Variants in RPS11 observed in about 807,000 individuals in gnomAD.
RPS11 encodes ribosomal protein S11.
For synonymous variants in RPS11, 107 were observed against 78.0 expected, an observed-to-expected ratio of 1.37 and a Z score of -1.96; for missense variants, 127 against 211.4, an observed-to-expected ratio of 0.60 and a Z score of 2.48.
At chr19:49,497,067 T>C in intron 1 of RPS11, 127 bp from the exon 2 acceptor site, 1 of 1,128,500 alleles carries the variant, frequency 8.9e-7, no homozygotes, top group Non-Finnish European at 1.3e-6. Context: ...CACCAGGCCT[T>C]GGACGCCGGC....
At chr19:49,496,949 C>A (rs1382508214) in intron 1 of RPS11, among the ~76,000 whole-genome samples, 3 of 151,908 alleles carry the variant, frequency 2.0e-5, no homozygotes, top group Non-Finnish European at 4.4e-5. Context: ...TTTTGCAATC[C>A]CTGAGAGGCC....
intron 4 of RPS11, among the ~76,000 whole-genome samples, chr19:49,499,001 A>G (rs1486211685): frequency 2.0e-5 from 3 of 152,176 alleles, no homozygotes; most frequent in Non-Finnish European, 4.4e-5. Flanking sequence ...GCTCCCTCAG[A>G]GGGCACCTTC....
chr19:49,496,824 C>T (rs992714077), intron 1 of RPS11, among the ~76,000 whole-genome samples: 4 of 152,046 alleles, frequency 2.6e-5, no homozygotes, highest in African/African-American at 7.2e-5. Flanking sequence ...AATTCTGAAT[C>T]CTTATGTACT....
At chr19:49,498,681 T>C (rs2079919662) in intron 4 of RPS11, among the ~76,000 whole-genome samples, 1 of 152,128 alleles carries the variant, frequency 6.6e-6, no homozygotes, top group Non-Finnish European at 1.5e-5. Context: ...GCCCAGAAAG[T>C]GGAGGCTGCA....
intron 3 of RPS11, 26 bp from the exon 4 acceptor site, chr19:49,497,891 G>T: frequency 6.2e-7 from 1 of 1,613,980 alleles, no homozygotes; most frequent in South Asian, 1.1e-5. Context: ...CATGGGACCT[G>T]ACCTATGATC....
intron 3 of RPS11, 119 bp from the exon 4 acceptor site, chr19:49,497,798 T>C (rs541548328): frequency 1.4e-6 from 2 of 1,439,758 alleles, no homozygotes; most frequent in Admixed American, 3.3e-5. Flanking sequence ...GTAAAACTGA[T>C]GCCGGAAATG....
At position 49,496,488 on chromosome 19, in the gene RPS11, G is replaced by T. The variant is rs747496197; in HGVS notation, c.15+17G>T. On this transcript the variant is annotated intron_variant, in intron 1 of 4. Transcript: ENST00000270625. Reference sequence around the variant, plus strand: ...GACATTCAGGTGCGGACTCGGGGTTGGATGCCAGGGTGCGGGGTCCGCCTT... The same window carrying T: ...GACATTCAGGTGCGGACTCGGGGTTTGATGCCAGGGTGCGGGGTCCGCCTT... 17 of 1,608,364 alleles carry T rather than the reference G, an allele frequency of 1.1e-5. No individual in the cohort carries two copies. Among genetic ancestry groups the T allele is most frequent in the Non-Finnish European group, 1.4e-5 (17 of 1,177,536 alleles).
At chr19:49,498,914 T>A (rs2079920976) in intron 4 of RPS11, among the ~76,000 whole-genome samples, 1 of 152,070 alleles carries the variant, frequency 6.6e-6, no homozygotes, top group Non-Finnish European at 1.5e-5. Flanking sequence ...CCTCAGCATG[T>A]TTTAGTTAGA....
Position 49,497,904 on chromosome 19 carries a change from C to T in RPS11, c.224-13C>T, listed in dbSNP as rs1203709561. On this transcript the variant is annotated splice_polypyrimidine_tract_variant and intron_variant, in intron 3 of 4. Transcript: ENST00000270625. ...CCCATGGGACCTGACCTATGATCGG[C>T]CCCCGCTCCTAGGCGTGGTGACCAA... The T allele has an allele frequency of 1.2e-6, 2 of 1,614,006 alleles. No individual in the cohort carries two copies. The highest frequency in any genetic ancestry group is 2.7e-5 in the African/African-American group (2 of 75,048).
chr19:49,498,474 A>G (rs962713489), intron 4 of RPS11, among the ~76,000 whole-genome samples: 22 of 152,228 alleles, frequency 1.4e-4, no homozygotes, highest in African/African-American at 5.3e-4. Context: ...GATTCTAGCC[A>G]GGCACCGTGG....
At chr19:49,498,119 A>G (rs772525896) in intron 4 of RPS11, 73 bp downstream of exon 4, 82 of 1,544,144 alleles carry the variant, frequency 5.3e-5, no homozygotes, top group Non-Finnish European at 7.1e-5. Flanking sequence ...GGACCAATTT[A>G]AGGCCAACTG....
chr19:49,497,028 TG>T, intron 1 of RPS11, 165 bp from the exon 2 acceptor site: 1 of 668,788 alleles, frequency 1.5e-6, no homozygotes, highest in Non-Finnish European at 2.6e-6. Context: ...AAGGTCAGGG[TG>T]GTCATGTCTT....
At chr19:49,497,715 A>G (rs2079913845) in intron 3 of RPS11, 120 bp downstream of exon 3, 5 of 1,140,488 alleles carry the variant, frequency 4.4e-6, no homozygotes, top group Non-Finnish European at 6.7e-6. Context: ...AGGTCCAGGT[A>G]CATTGGCAGA....
chr19:49,498,875 A>G (rs2079920790), intron 4 of RPS11, among the ~76,000 whole-genome samples: 1 of 152,196 alleles, frequency 6.6e-6, no homozygotes, highest in Non-Finnish European at 1.5e-5. Flanking sequence ...GGAACCTCAG[A>G]AATGTTGGAA....
chr19:49,498,992 C>G (rs2122640558), intron 4 of RPS11, among the ~76,000 whole-genome samples: 1 of 152,300 alleles, frequency 6.6e-6, no homozygotes, highest in Admixed American at 6.5e-5. Context: ...CAAAGTCCTG[C>G]TCCCTCAGAG....
intron 1 of RPS11, 37 bp downstream of exon 1, chr19:49,496,508 C>A (rs559095038): frequency 5.0e-6 from 8 of 1,594,640 alleles, no homozygotes; most frequent in Middle Eastern, 1.7e-4. Context: ...GTGCGGGGTC[C>A]GCCTTGGCCT....
chr19:49,497,572 C>T lies in RPS11; in HGVS notation c.200C>T (p.Ser67Phe). 6.2e-7 allele frequency: 1 copy of T among 1,613,922 alleles called. No individual in the cohort carries two copies. Among genetic ancestry groups the T allele is most frequent in the Non-Finnish European group, 8.5e-7 (1 of 1,179,896 alleles). The change falls in exon 3 of 5, where the codon TCC becomes TTC. Residue 67 changes from serine to phenylalanine, a missense_variant. Transcript: ENST00000270625. Reference sequence around the variant, plus strand: ...AAATGCCCCTTCACTGGTAATGTGTCCATTCGAGGGCGGATCCTCTCTGGT... The same window carrying T: ...AAATGCCCCTTCACTGGTAATGTGTTCATTCGAGGGCGGATCCTCTCTGGT... Reference protein sequence around the residue: ...DKKCPFTGNVSIRGRILSGVV... With the variant: ...DKKCPFTGNVFIRGRILSGVV...
intron 3 of RPS11, 132 bp from the exon 4 acceptor site, chr19:49,497,785 T>C: frequency 7.3e-7 from 1 of 1,361,284 alleles, no homozygotes; most frequent in Non-Finnish European, 1.0e-6. Context: ...AGAAAGCCAC[T>C]TGGTAAAACT....
intron 4 of RPS11, 106 bp downstream of exon 4, chr19:49,498,152 C>T: frequency 7.9e-7 from 1 of 1,268,316 alleles, no homozygotes; most frequent in East Asian, 2.3e-5. Context: ...ACTGAGGTGG[C>T]ATCTCTGGGA....
Sources: allele counts gnomAD v4.1 joint callset (sites outside exome capture counted in the v4.1 genomes callset), GRCh38; gene constraint gnomAD v4.1.1; transcripts MANE v1.5; gene names NCBI Gene and HGNC (gene_info 2026-07-23, HGNC 2026-07-21).